Variants in RAP1A observed in about 807,000 individuals in gnomAD.
RAP1A encodes the protein RAP1A, member of RAS oncogene family, also known as ras-related protein Rap-1A.
In RAP1A, 6 loss-of-function variants were observed where a neutral mutation model predicts 26.4. The ratio of observed to expected loss-of-function variants is 0.23; its 90% CI spans 0.12 to 0.45. RAP1A has a LOEUF of 0.45. Among genes scored for constraint, RAP1A ranks in the 20% least tolerant of loss-of-function variants. The probability of loss-of-function intolerance (pLI) is 0.99; values close to 1 mark genes in which losing one functional copy is unlikely to be tolerated. For missense variants in RAP1A, 121 were observed against 217.2 expected, an observed-to-expected ratio of 0.56 and a Z score of 2.78; for synonymous variants, 73 against 79.4, an observed-to-expected ratio of 0.92 and a Z score of 0.43.
chr1:111,707,341 G>A (rs983394231), intron 6 of RAP1A, among the ~76,000 whole-genome samples: 4 of 152,022 alleles, frequency 2.6e-5, no homozygotes, highest in African/African-American at 7.3e-5. Flanking sequence ...CATGTAGACC[G>A]ATAATTTAAA....
chr1:111,629,071 A>G (rs2101100444), intron 1 of RAP1A, among the ~76,000 whole-genome samples: 1 of 152,238 alleles, frequency 6.6e-6, no homozygotes, highest in South Asian at 2.1e-4. Context: ...ATTCTTCTGC[A>G]TGTGGTTTTT....
At chr1:111,559,802 G>A (rs1003021298) in intron 1 of RAP1A, among the ~76,000 whole-genome samples, 3 of 152,150 alleles carry the variant, frequency 2.0e-5, no homozygotes, top group African/African-American at 7.2e-5. Flanking sequence ...TAGCTATGAG[G>A]TGGCTTCAAA....
chr1:111,553,829 C>T (rs748712934), intron 1 of RAP1A, among the ~76,000 whole-genome samples: 3 of 152,194 alleles, frequency 2.0e-5, no homozygotes, highest in Non-Finnish European at 4.4e-5. Context: ...ACACCTGTAT[C>T]AAGTCCAAAA....
chr1:111,592,712 C>T (rs1174519408), intron 1 of RAP1A, among the ~76,000 whole-genome samples: 1 of 152,144 alleles, frequency 6.6e-6, no homozygotes, highest in African/African-American at 2.4e-5. Flanking sequence ...GCACTGTTTC[C>T]TTCCCGTTGT....
At chr1:111,565,879 A>G (rs1333377312) in intron 1 of RAP1A, among the ~76,000 whole-genome samples, 1 of 152,130 alleles carries the variant, frequency 6.6e-6, no homozygotes, top group Non-Finnish European at 1.5e-5. Context: ...TCTACTGGAC[A>G]GCACTAATCT....
chr1:111,650,010 C>T (rs1164737965), intron 1 of RAP1A, among the ~76,000 whole-genome samples: 1 of 148,256 alleles, frequency 6.7e-6, no homozygotes, highest in Admixed American at 6.7e-5. Context: ...CTTGTTTACA[C>T]TTATTTTAAT....
At chr1:111,547,859 A>G (rs908530077) in intron 1 of RAP1A, among the ~76,000 whole-genome samples, 1 of 152,134 alleles carries the variant, frequency 6.6e-6, no homozygotes, top group African/African-American at 2.4e-5. Context: ...GCTTTGTCTA[A>G]CTCTCTTAAA....
At chr1:111,609,400 C>T (rs1658879781) in intron 1 of RAP1A, among the ~76,000 whole-genome samples, 1 of 152,112 alleles carries the variant, frequency 6.6e-6, no homozygotes, top group Admixed American at 6.5e-5. Context: ...TTTCTATTCT[C>T]TGTTTTAGAA....
chr1:111,672,084 G>A (rs1256414526), intron 1 of RAP1A, among the ~76,000 whole-genome samples: 1 of 150,516 alleles, frequency 6.6e-6, no homozygotes, highest in Non-Finnish European at 1.5e-5. Flanking sequence ...GTTGGGTGTG[G>A]TGTTCTATAT....
intron 1 of RAP1A, among the ~76,000 whole-genome samples, chr1:111,674,483 T>C (rs145205900): frequency 3.5e-4 from 54 of 152,336 alleles, no homozygotes; most frequent in African/African-American, 1.3e-3. Context: ...TGCTACCATC[T>C]TGACCACCAT....
At chr1:111,640,678 G>T (rs1411579579) in intron 1 of RAP1A, among the ~76,000 whole-genome samples, 1 of 151,950 alleles carries the variant, frequency 6.6e-6, no homozygotes, top group Non-Finnish European at 1.5e-5. Context: ...CACTATTTTT[G>T]ACCAGGCATG....
At chr1:111,656,904 A>T (rs191172275) in intron 1 of RAP1A, among the ~76,000 whole-genome samples, 1 of 152,140 alleles carries the variant, frequency 6.6e-6, no homozygotes, top group East Asian at 1.9e-4. Context: ...AAAATTAAGT[A>T]CATTCACATT....
intron 1 of RAP1A, among the ~76,000 whole-genome samples, chr1:111,598,639 T>G (rs1489091585): frequency 6.6e-6 from 1 of 152,084 alleles, no homozygotes; most frequent in East Asian, 1.9e-4. Context: ...ACAACAATCA[T>G]CGCAGAAGAC....
chr1:111,707,867 C>T (rs1175078111), intron 6 of RAP1A, among the ~76,000 whole-genome samples: 1 of 152,164 alleles, frequency 6.6e-6, no homozygotes, highest in Non-Finnish European at 1.5e-5. Context: ...AATGAATCCA[C>T]AAGATGTATT....
intron 1 of RAP1A, chr1:111,648,655 G>C: frequency 1.9e-6 from 1 of 526,898 alleles, no homozygotes; most frequent in Non-Finnish European, 3.6e-6. Flanking sequence ...ACTGAGTCCA[G>C]GTCAATCTTT....
intron 1 of RAP1A, among the ~76,000 whole-genome samples, chr1:111,660,824 A>G (rs572130550): frequency 1.1e-4 from 16 of 152,216 alleles, no homozygotes; most frequent in East Asian, 3.9e-4. Context: ...TTGTCCTCCA[A>G]TTATAGTGCC....
chr1:111,546,811 G>A (rs1446618468), intron 1 of RAP1A, among the ~76,000 whole-genome samples: 1 of 152,050 alleles, frequency 6.6e-6, no homozygotes, highest in African/African-American at 2.4e-5. Context: ...TGGATCATAT[G>A]GTAATTCTAT....
chr1:111,628,464 T>A (rs139075297), intron 1 of RAP1A, among the ~76,000 whole-genome samples: 12 of 152,154 alleles, frequency 7.9e-5, no homozygotes, highest in African/African-American at 2.9e-4. Context: ...ATTATGGAGA[T>A]TGGGGCTAGA....
intron 1 of RAP1A, among the ~76,000 whole-genome samples, chr1:111,554,155 T>C (rs1214438456): frequency 6.6e-6 from 1 of 152,228 alleles, no homozygotes; most frequent in African/African-American, 2.4e-5. Context: ...ATCTTTAAAA[T>C]AGAAATAATT....
Sources: allele counts gnomAD v4.1 joint callset (sites outside exome capture counted in the v4.1 genomes callset), GRCh38; gene constraint gnomAD v4.1.1; transcripts MANE v1.5; gene names NCBI Gene and HGNC (gene_info 2026-07-23, HGNC 2026-07-21).